The following UTRN variants were observed in gnomAD, a reference collection of about 807,000 sequenced individuals.
UTRN encodes dystrophin-related protein 1.
In UTRN, 283 loss-of-function variants were observed where a neutral mutation model predicts 463.9. The ratio of observed to expected loss-of-function variants is 0.61; its 90% CI spans 0.55 to 0.67. The LOEUF (loss-of-function observed/expected upper bound fraction) is 0.67, where lower values mean the gene tolerates loss of function less well. Ranked by LOEUF, UTRN falls within the 30% of genes least tolerant of loss-of-function variation. The pLI, the probability that UTRN is intolerant of heterozygous loss-of-function variation, is 0.00. For missense variants in UTRN, 3,922 were observed against 4,084.3 expected, an observed-to-expected ratio of 0.96 and a Z score of 1.08; for synonymous variants, 1,442 against 1,431.5, an observed-to-expected ratio of 1.01 and a Z score of -0.17.
intron 68 of UTRN, 149 bp downstream of exon 68, chr6:144,827,825 T>C: frequency 1.0e-6 from 1 of 956,242 alleles, no homozygotes; most frequent in Non-Finnish European, 1.5e-6. Context: ...TGGGCTCTCA[T>C]ATTTTCATGA....
chr6:144,321,021 A>G (rs938628127), intron 2 of UTRN, among the ~76,000 whole-genome samples: 1 of 152,212 alleles, frequency 6.6e-6, no homozygotes, highest in African/African-American at 2.4e-5. Context: ...GAATCAGCTG[A>G]TCATTTTCAA....
chr6:144,377,296 C>T (rs1036621634), intron 2 of UTRN, among the ~76,000 whole-genome samples: 3 of 152,174 alleles, frequency 2.0e-5, no homozygotes, highest in African/African-American at 7.2e-5. Flanking sequence ...CTCAGCCTCC[C>T]AAAGTGCTGG....
chr6:144,782,467 T>TA (rs1775921790), intron 61 of UTRN, among the ~76,000 whole-genome samples: 1 of 152,076 alleles, frequency 6.6e-6, no homozygotes, highest in Non-Finnish European at 1.5e-5. Context: ...TTTTTCAAAA[T>TA]AAAAAATCTT....
At chr6:144,381,856 GA>G (rs1167009692) in intron 2 of UTRN, among the ~76,000 whole-genome samples, 1 of 152,174 alleles carries the variant, frequency 6.6e-6, no homozygotes, top group Admixed American at 6.5e-5. Context: ...TGTGAAAGCA[GA>G]CTAATACATA....
At chr6:144,758,717 C>A (rs1242822260) in intron 58 of UTRN, among the ~76,000 whole-genome samples, 2 of 152,114 alleles carry the variant, frequency 1.3e-5, no homozygotes, top group Non-Finnish European at 2.9e-5. Context: ...AATTCTACTT[C>A]TATAGTCCCT....
rs1241823437 is a variant in UTRN, at chr6:144,647,111, A to G, written c.7480-31295A>G. The stretch of plus-strand genomic sequence containing the variant: ...CTGGAAAGAAAGAAAACTGTATTGG[A>G]TAATACTCAGTTTGGTATTTGTTTT... On this transcript the variant is annotated intron_variant, in intron 51 of 74. Coordinates refer to ENST00000367545, the MANE Select transcript of UTRN (RefSeq NM_007124.3). Among the ~76,000 whole-genome samples the G allele has an allele frequency of 2.0e-5, 3 of 152,332 alleles. No individual in the cohort carries two copies. In the East Asian group the frequency reaches 5.8e-4, roughly 29 times the overall value.
intron 51 of UTRN, among the ~76,000 whole-genome samples, chr6:144,624,667 TGAG>T (rs954253089): frequency 3.9e-5 from 6 of 151,906 alleles, no homozygotes; most frequent in African/African-American, 1.5e-4. Context: ...GGGAAGGAGA[TGAG>T]GAGTTTTCGG....
Position 144,462,779 on chromosome 6 carries a change from G to A in UTRN, c.2979G>A (p.Val993=). ...TATATAAGCAAGAATTTGATGATGTGCAAGGAAAGTGGAACAAGCTAAAGG... is the reference window on the plus strand; with the variant it reads ...TATATAAGCAAGAATTTGATGATGTACAAGGAAAGTGGAACAAGCTAAAGG... ...EKLYKQEFDD[V]QGKWNKLKVL... is the part of the protein sequence containing the mutation. The change falls in exon 23 of 75, where the codon GTG becomes GTA. Residue 993 remains valine, a synonymous_variant. Transcript: ENST00000367545. 1.2e-6 allele frequency: 2 copies of A among 1,612,002 alleles called. No homozygotes were observed. Among genetic ancestry groups the A allele is most frequent in the Non-Finnish European group, 1.7e-6 (2 of 1,179,536 alleles).
intron 50 of UTRN, among the ~76,000 whole-genome samples, chr6:144,564,026 G>T (rs1800169600): frequency 1.3e-5 from 2 of 152,002 alleles, no homozygotes; most frequent in Non-Finnish European, 2.9e-5. Flanking sequence ...TCCATTAATT[G>T]ATTAATCAAC....
At chr6:144,300,825 A>T (rs1805177446) in intron 2 of UTRN, among the ~76,000 whole-genome samples, 1 of 152,244 alleles carries the variant, frequency 6.6e-6, no homozygotes, top group African/African-American at 2.4e-5. Context: ...ATTTGAAACT[A>T]AGAAACTGCA....
rs1427642557 is a variant in UTRN, at chr6:144,458,905, T to C, written c.2420T>C (p.Leu807Pro). The C allele has an allele frequency of 3.7e-6, 6 of 1,613,894 alleles. No individual in the cohort carries two copies. The Admixed American group carries it at 8.3e-5, about 22-fold the overall frequency. Residue 807 changes from leucine (L) to proline (P), a missense_variant, in exon 20 of 75, where the codon CTT becomes CCT. Transcript: ENST00000367545. ...GATATAAATGCTTATTTCAAGCAGC[T>C]TGATGAGCTTGAAAAGGTCATCAAG... ...QEDINAYFKQLDELEKVIKTK... is the reference protein window; with the variant it reads ...QEDINAYFKQPDELEKVIKTK...
chr6:144,531,233 G>T, intron 42 of UTRN, 31 bp downstream of exon 42: 1 of 1,610,222 alleles, frequency 6.2e-7, no homozygotes, highest in East Asian at 2.2e-5. Context: ...GAGGGGGACT[G>T]CACATATGGT....
At chr6:144,753,383 G>A (rs1449563362) in intron 56 of UTRN, among the ~76,000 whole-genome samples, 2 of 152,168 alleles carry the variant, frequency 1.3e-5, no homozygotes, top group South Asian at 2.1e-4. Context: ...GTGAGGCTGA[G>A]GTGAGAGGGT....
chr6:144,473,603 GA>G, intron 23 of UTRN, 116 bp from the exon 24 acceptor site: 1 of 597,856 alleles, frequency 1.7e-6, no homozygotes, highest in Non-Finnish European at 2.9e-6. Flanking sequence ...TAACATAAAT[GA>G]AAGCGATGCT....
At chr6:144,660,308 T>C in intron 51 of UTRN, 1 of 470,998 alleles carries the variant, frequency 2.1e-6, no homozygotes, top group Non-Finnish European at 4.4e-6. Context: ...GAATGTACTT[T>C]TTTCCTTTCT....
rs1271398425 is a variant in UTRN, at chr6:144,513,989, G to A, written c.5025G>A (p.Leu1675=). Residue 1675 remains leucine (L), a synonymous_variant, in exon 36 of 75, where the codon TTG becomes TTA. Transcript: ENST00000367545. ...GGCTTTATCAAGCTGAAGCTCTATT[G>A]GATGAAATTGAAAAGAAACCAACAA... The part of the protein sequence containing the change: ...STWLYQAEAL[L]DEIEKKPTSK... 4 of 1,613,912 alleles carry A rather than the reference G, an allele frequency of 2.5e-6. No homozygotes were observed. The highest frequency in any genetic ancestry group is 8.5e-7 in the Non-Finnish European group (1 of 1,179,924).
At chr6:144,301,381 G>A (rs1297616901) in intron 2 of UTRN, among the ~76,000 whole-genome samples, 1 of 152,026 alleles carries the variant, frequency 6.6e-6, no homozygotes, top group Non-Finnish European at 1.5e-5. Flanking sequence ...TATGCTTGCT[G>A]TCTCAGGGCA....
intron 2 of UTRN, among the ~76,000 whole-genome samples, chr6:144,338,584 C>T (rs1776909404): frequency 6.6e-6 from 1 of 152,058 alleles, no homozygotes; most frequent in African/African-American, 2.4e-5. Flanking sequence ...GCATGGGAAA[C>T]CTTTAAGGAT....
At chr6:144,305,150 G>A (rs746931591) in intron 2 of UTRN, among the ~76,000 whole-genome samples, 5 of 152,050 alleles carry the variant, frequency 3.3e-5, no homozygotes, top group African/African-American at 4.8e-5. Context: ...GGCCAGGCTG[G>A]TAATGTTTTG....
Sources: allele counts gnomAD v4.1 joint callset (sites outside exome capture counted in the v4.1 genomes callset), GRCh38; gene constraint gnomAD v4.1.1; transcripts MANE v1.5; gene names NCBI Gene and HGNC (gene_info 2026-07-23, HGNC 2026-07-21).